DARS2: variants seen among roughly 807,000 people sequenced by gnomAD.
DARS2 encodes aspartyl-tRNA synthetase 2, mitochondrial.
A neutral mutation model predicts 83.0 loss-of-function variants in DARS2; 63 were observed. The observed-to-expected ratio is 0.76, with a 90% CI of 0.62 to 0.94. DARS2 has a LOEUF of 0.94. DARS2 is among the 40% of genes least tolerant of loss of function. DARS2 has a pLI of 0.00. For synonymous variants in DARS2, 250 were observed against 269.3 expected (o/e 0.93, Z 0.70); for missense variants, 675 against 774.4 (o/e 0.87, Z 1.52).
chr1:173,842,193 G>A lies in DARS2; in HGVS notation c.1128+1220G>A, dbSNP rs980989571. On this transcript the variant is annotated intron_variant, in intron 11 of 16. Coordinates refer to ENST00000649689, the MANE Select transcript of DARS2 (RefSeq NM_018122.5). Reference sequence around the variant, plus strand: ...AGTATTCCAGTTATATTTTAAATAAGATTATGATTTTGAAAGTCTATACTC... The same window carrying A: ...AGTATTCCAGTTATATTTTAAATAAAATTATGATTTTGAAAGTCTATACTC... Among the ~76,000 whole-genome samples the A allele has an allele frequency of 4.1e-5, 6 of 145,464 alleles. No homozygotes were observed. The South Asian group carries it at 1.4e-3, about 33-fold the overall frequency.
chr1:173,848,713 G>A (rs544189751), intron 12 of DARS2, among the ~76,000 whole-genome samples: 6 of 152,196 alleles, frequency 3.9e-5, no homozygotes, highest in African/African-American at 1.2e-4. Context: ...TTTGCCTTCT[G>A]ATTCTTTATG....
Position 173,857,677 on chromosome 1 carries a change from C to CA in DARS2, c.1911dup (p.Asp638ArgfsTer18), listed in dbSNP as rs1557864752. 1 of 1,614,134 alleles carries CA rather than the reference C, an allele frequency of 6.2e-7. No homozygotes were observed. Among genetic ancestry groups the CA allele is most frequent in the Non-Finnish European group, 8.5e-7 (1 of 1,180,016 alleles). On this transcript the variant is annotated frameshift_variant, in exon 17 of 17. Transcript: ENST00000649689. LOFTEE classifies it high-confidence loss of function. The stretch of plus-strand genomic sequence containing the variant: ...TATCATATCCGAGTCTCCAAGCCAA[C>CA]AGACTCCAAAGCAGAAAGAGCTCAT...
At chr1:173,847,543 A>C (rs78857056) in intron 12 of DARS2, among the ~76,000 whole-genome samples, 1 of 151,670 alleles carries the variant, frequency 6.6e-6, no homozygotes, top group Admixed American at 6.6e-5. Context: ...TTTTAACTTG[A>C]TTTGGCTTCT....
intron 12 of DARS2, among the ~76,000 whole-genome samples, chr1:173,849,971 C>T (rs1307504990): frequency 6.6e-6 from 1 of 150,620 alleles, no homozygotes; most frequent in Non-Finnish European, 1.5e-5. Context: ...GATTCTCATG[C>T]CTCAGCCTCC....
At chr1:173,832,064 A>G (rs1336837286) in intron 5 of DARS2, among the ~76,000 whole-genome samples, 3 of 152,234 alleles carry the variant, frequency 2.0e-5, no homozygotes, top group Non-Finnish European at 4.4e-5. Context: ...AAATAGGATT[A>G]CCATAATTTA....
intron 6 of DARS2, 130 bp downstream of exon 6, chr1:173,833,629 T>A: frequency 9.4e-7 from 1 of 1,063,292 alleles, no homozygotes; most frequent in Non-Finnish European, 1.4e-6. Context: ...ACTCAATGTG[T>A]AATGTAGTTT....
chr1:173,830,811 A>T, intron 4 of DARS2, 50 bp downstream of exon 4: 1 of 1,403,286 alleles, frequency 7.1e-7, no homozygotes, highest in Non-Finnish European at 1.0e-6. Flanking sequence ...ATGCATTTGC[A>T]CCATCTGTGT....
At chr1:173,850,664 GGT>G (rs1653625328) in intron 13 of DARS2, among the ~76,000 whole-genome samples, 185 bp downstream of exon 13, 1 of 150,288 alleles carries the variant, frequency 6.7e-6, no homozygotes, top group African/African-American at 2.5e-5. Flanking sequence ...GGAGTGCAGT[GGT>G]GCAATCTTGG....
intron 13 of DARS2, chr1:173,852,419 C>A: frequency 3.8e-6 from 1 of 262,760 alleles, no homozygotes; most frequent in Non-Finnish European, 5.9e-6. Context: ...TAAAATTTTG[C>A]TCACAGTCAC....
intron 12 of DARS2, among the ~76,000 whole-genome samples, chr1:173,849,029 T>C (rs1653545205): frequency 6.6e-6 from 1 of 152,070 alleles, no homozygotes; most frequent in Admixed American, 6.6e-5. Context: ...CAGTAGCTTT[T>C]TTCACTGCAT....
chr1:173,855,886 C>G (rs1252060513), intron 15 of DARS2, among the ~76,000 whole-genome samples: 1 of 151,724 alleles, frequency 6.6e-6, no homozygotes, highest in Non-Finnish European at 1.5e-5. Context: ...GTCTTGAACC[C>G]CCAATCTCAG....
chr1:173,829,583 C>T (rs1000054945), intron 3 of DARS2, among the ~76,000 whole-genome samples: 2 of 151,652 alleles, frequency 1.3e-5, no homozygotes, highest in African/African-American at 2.4e-5. Flanking sequence ...TGAGACCAGC[C>T]TGGGCAACAG....
Position 173,831,564 on chromosome 1 carries a change from A to C in DARS2, c.426A>C (p.Lys142Asn), listed in dbSNP as rs1271642628. 1.2e-6 allele frequency: 2 copies of C among 1,614,150 alleles called. No homozygotes were observed. The highest frequency in any genetic ancestry group is 1.7e-6 in the Non-Finnish European group (2 of 1,179,992). ...PKMPTGEIEI[K>N]VKTAELLNAC... ...TGCCAACAGGTGAGATTGAAATCAAAGTTAAAACAGCTGAGCTTCTGAATG... is the reference window on the plus strand; with the variant it reads ...TGCCAACAGGTGAGATTGAAATCAACGTTAAAACAGCTGAGCTTCTGAATG... The change falls in exon 5 of 17, where the codon AAA becomes AAC. Residue 142 changes from lysine (K) to asparagine (N), a missense_variant. Transcript: ENST00000649689.
At chr1:173,838,391 C>T in intron 9 of DARS2, 132 bp downstream of exon 9, 1 of 690,776 alleles carries the variant, frequency 1.4e-6, no homozygotes. Context: ...TTAAACTCAC[C>T]TGCAGTTGAG....
intron 16 of DARS2, 120 bp from the exon 17 acceptor site, chr1:173,857,398 T>C: frequency 1.0e-6 from 1 of 984,772 alleles, no homozygotes; most frequent in Admixed American, 2.1e-5. Flanking sequence ...GGAACGATGG[T>C]TGGCTACAGT....
In DARS2 at chr1:173,839,429, C is replaced by T. The variant is rs1309106096; in HGVS notation, c.903C>T (p.Leu301=). Residue 301 remains leucine (L), a synonymous_variant, in exon 10 of 17, where the codon CTC becomes CTT. Coordinates refer to ENST00000649689, the MANE Select transcript of DARS2 (RefSeq NM_018122.5). ...TGIQSLIEGL[L]QYSWPNDKDP... is the part of the protein sequence containing the mutation. ...TCCAGAGTTTAATTGAGGGTTTGCT[C>T]CAGTATTCCTGGCCCAATGACAAAG... 1 of 1,614,012 alleles carries T rather than the reference C, an allele frequency of 6.2e-7. No homozygotes were observed. Among genetic ancestry groups the T allele is most frequent in the African/African-American group, 1.3e-5 (1 of 74,908 alleles).
intron 13 of DARS2, chr1:173,851,758 T>C: frequency 1.2e-6 from 1 of 830,140 alleles, no homozygotes; most frequent in Non-Finnish European, 1.5e-6. Flanking sequence ...TTTTTCAAAA[T>C]GATAGTGTGT....
intron 7 of DARS2, among the ~76,000 whole-genome samples, chr1:173,834,849 G>C (rs1332783982): frequency 1.6e-5 from 2 of 123,550 alleles, no homozygotes; most frequent in Non-Finnish European, 3.2e-5. Context: ...CATGATCTCA[G>C]CTAATTGCAA....
intron 12 of DARS2, among the ~76,000 whole-genome samples, chr1:173,847,825 C>T (rs1653492123): frequency 6.7e-6 from 1 of 149,226 alleles, no homozygotes; most frequent in African/African-American, 2.5e-5. Flanking sequence ...GTACCTTCTG[C>T]ACAGCTGTCT....
Sources: allele counts gnomAD v4.1 joint callset (sites outside exome capture counted in the v4.1 genomes callset), GRCh38; gene constraint gnomAD v4.1.1; transcripts MANE v1.5; gene names NCBI Gene and HGNC (gene_info 2026-07-23, HGNC 2026-07-21).